Variants in PLD1 observed in about 807,000 individuals in gnomAD.
PLD1 encodes the protein choline phosphatase 1.
PLD1 carries 112 observed loss-of-function variants against 137.1 expected under a neutral mutation model. The observed-to-expected ratio is 0.82, with a 90% confidence interval of 0.70 to 0.96. The LOEUF (loss-of-function observed/expected upper bound fraction) is 0.96. Ranked by LOEUF, PLD1 falls within the 40% of genes least tolerant of loss-of-function variation. The probability of loss-of-function intolerance (pLI) is 0.00; values close to 1 mark genes in which losing one functional copy is unlikely to be tolerated. For missense variants in PLD1, 1,321 were observed against 1,342.0 expected (o/e 0.98, Z 0.24); for synonymous variants, 431 against 454.7 (o/e 0.95, Z 0.66).
In PLD1 at chr3:171,764,890, A is replaced by AG. The variant is rs1560288654; in HGVS notation, c.-31-26809dup. Reference sequence around the variant, plus strand: ...AAGAAAGAAAGAAAGAAAGAAAGAAAGAAAGGAAGGAAGGAAGGAAGGAAA... The same window carrying AG: ...AAGAAAGAAAGAAAGAAAGAAAGAAAGGAAAGGAAGGAAGGAAGGAAGGAAA... On this transcript the variant is annotated intron_variant, in intron 1 of 26. Transcript: ENST00000351298. Among the ~76,000 whole-genome samples, 169 of 27,052 alleles carry AG rather than the reference A, an allele frequency of 6.2e-3. 12 individuals carry two copies. The highest frequency in any genetic ancestry group is 0.023 in the Middle Eastern group (1 of 44). The allele number at this position is 27,052 out of a possible 152,430, so 17.7% of individuals were successfully genotyped here. A position where few individuals can be genotyped will look rare whatever the true frequency, so the allele number is the denominator to read the frequency against.
rs1719506767 is a variant in PLD1 at position 171,738,020 on chromosome 3, G to A, written c.32C>T (p.Thr11Ile). Residue 11 changes from threonine (T) to isoleucine (I), a missense_variant, in exon 2 of 27, where the codon ACC becomes ATC. Physicochemically the swap from Thr to Ile is moderately conservative, Grantham distance 89. Coordinates refer to ENST00000351298, the MANE Select transcript of PLD1 (RefSeq NM_002662.5). The stretch of plus-strand genomic sequence containing the variant: ...AGCAGCAATTTTCTGCAGTGCAGAG[G>A]TATTTACCCGTGGCTCGTTTTTCAG... Reference protein sequence around the residue: MSLKNEPRVNTSALQKIAADM... With the variant: MSLKNEPRVNISALQKIAADM... 1 of 1,613,340 alleles carries A rather than the reference G, an allele frequency of 6.2e-7. No individual in the cohort carries two copies. Among genetic ancestry groups the A allele is most frequent in the African/African-American group, 1.3e-5 (1 of 74,906 alleles).
intron 19 of PLD1, among the ~76,000 whole-genome samples, chr3:171,664,322 T>A (rs1399995659): frequency 6.6e-6 from 1 of 152,230 alleles, no homozygotes; most frequent in Non-Finnish European, 1.5e-5. Flanking sequence ...AATGTTTAAT[T>A]TTGTTACTAA....
At chr3:171,781,539 C>T (rs922355747) in intron 1 of PLD1, among the ~76,000 whole-genome samples, 4 of 152,062 alleles carry the variant, frequency 2.6e-5, no homozygotes, top group African/African-American at 4.8e-5. Context: ...TTTTATAATA[C>T]ATAATGAATG....
chr3:171,641,967 A>T (rs1735791620), intron 23 of PLD1, among the ~76,000 whole-genome samples: 2 of 152,198 alleles, frequency 1.3e-5, no homozygotes, highest in South Asian at 4.1e-4. Context: ...ACTAGAAGTC[A>T]TACAACTTGG....
intron 17 of PLD1, 82 bp downstream of exon 17, chr3:171,677,484 A>G: frequency 7.4e-7 from 1 of 1,342,676 alleles, no homozygotes; most frequent in Non-Finnish European, 1.0e-6. Context: ...AAAGGCATTT[A>G]GATCATGCAC....
chr3:171,649,568 T>C (rs962665520), intron 21 of PLD1, among the ~76,000 whole-genome samples: 1 of 152,160 alleles, frequency 6.6e-6, no homozygotes, highest in African/African-American at 2.4e-5. Flanking sequence ...GTTGTGGAAA[T>C]GATAGCATTC....
intron 1 of PLD1, among the ~76,000 whole-genome samples, chr3:171,774,081 C>T (rs1722506804): frequency 6.6e-6 from 1 of 152,106 alleles, no homozygotes; most frequent in Admixed American, 6.5e-5. Flanking sequence ...AAAACTGAGG[C>T]GTCCAAAGGC....
At chr3:171,605,546 C>T in intron 25 of PLD1, 130 bp from the exon 26 acceptor site, 1 of 651,222 alleles carries the variant, frequency 1.5e-6, no homozygotes. Context: ...CATGACCTAG[C>T]TACTCTCATA....
intron 21 of PLD1, among the ~76,000 whole-genome samples, chr3:171,648,293 A>G (rs1736434989): frequency 6.6e-6 from 1 of 152,162 alleles, no homozygotes; most frequent in African/African-American, 2.4e-5. Context: ...GTTACTTTCA[A>G]ATGAGTAACA....
rs1491418123 is a variant in PLD1 at position 171,764,896 on chromosome 3, G to GAAAGAAAGA, written c.-31-26815_-31-26814insTCTTTCTTT. Among the ~76,000 whole-genome samples the GAAAGAAAGA allele has an allele frequency of 3.5e-4, 11 of 31,406 alleles. 2 individuals are homozygous for GAAAGAAAGA. Among genetic ancestry groups the GAAAGAAAGA allele is most frequent in the East Asian group, 2.7e-3 (5 of 1,852 alleles). The allele number at this position is 31,406 out of a possible 152,430, so 20.6% of individuals were successfully genotyped here. A position where few individuals can be genotyped will look rare whatever the true frequency, so the allele number is the denominator to read the frequency against. On this transcript the variant is annotated intron_variant, in intron 1 of 26. Coordinates refer to ENST00000351298, the MANE Select transcript of PLD1 (RefSeq NM_002662.5). ...GAAAGAAAGAAAGAAAGAAAGAAAGGAAGGAAGGAAGGAAGGAAAGAAAGA... is the reference window on the plus strand; with the variant it reads ...GAAAGAAAGAAAGAAAGAAAGAAAGGAAAGAAAGAAAGGAAGGAAGGAAGGAAAGAAAGA...
At chr3:171,716,952 T>C (rs182728863) in intron 8 of PLD1, among the ~76,000 whole-genome samples, 7 of 152,384 alleles carry the variant, frequency 4.6e-5, no homozygotes, top group Non-Finnish European at 7.3e-5. Context: ...GCATCATTTA[T>C]TAAGGAGGAA....
At chr3:171,755,182 T>C (rs1578418439) in intron 1 of PLD1, among the ~76,000 whole-genome samples, 2 of 152,034 alleles carry the variant, frequency 1.3e-5, no homozygotes, top group African/African-American at 2.4e-5. Context: ...CATAGACTGG[T>C]ATTTATGGGG....
intron 25 of PLD1, 65 bp from the exon 26 acceptor site, chr3:171,605,481 C>T (rs1732134124): frequency 2.3e-6 from 2 of 855,830 alleles, no homozygotes; most frequent in Admixed American, 3.5e-5. Context: ...GGATATATGT[C>T]TATTATATCT....
Position 171,620,391 on chromosome 3 carries a change from A to G in PLD1, c.2723T>C (p.Ile908Thr). The G allele has an allele frequency of 6.3e-7, 1 of 1,592,478 alleles. No homozygotes were observed. Among genetic ancestry groups the G allele is most frequent in the Non-Finnish European group, 8.6e-7 (1 of 1,164,886 alleles). Residue 908 changes from isoleucine to threonine, a missense_variant, in exon 24 of 27, where the codon ATT becomes ACT. By Grantham distance (89) the Ile-to-Thr change is moderately conservative. Transcript: ENST00000351298. ...AGACCATATACTGTACTTACCAATA[A>G]TAACAGTGTTATCATCAGCAATTAA... ...KLLIADDNTV[I>T]IGSANINDRS...
intron 1 of PLD1, among the ~76,000 whole-genome samples, chr3:171,797,241 G>A (rs79621067): frequency 0.028 from 4,235 of 152,148 alleles, 120 homozygotes; most frequent in African/African-American, 0.072. Flanking sequence ...TGGCTTCTCC[G>A]ATCTGTAGTT....
At chr3:171,605,246 T>C (rs554513794) in intron 26 of PLD1, 53 bp downstream of exon 26, 15 of 1,005,012 alleles carry the variant, frequency 1.5e-5, no homozygotes, top group East Asian at 4.7e-5. Context: ...AATATGCTTT[T>C]TGTGATGAGA....
intron 1 of PLD1, among the ~76,000 whole-genome samples, chr3:171,808,353 G>A (rs951941859): frequency 6.6e-6 from 1 of 152,044 alleles, no homozygotes; most frequent in Admixed American, 6.6e-5. Context: ...TGGCTAACAC[G>A]GTGAAACCCC....
intron 23 of PLD1, among the ~76,000 whole-genome samples, chr3:171,635,835 G>GGCATA (rs1735053235): frequency 6.6e-6 from 1 of 151,914 alleles, no homozygotes; most frequent in Non-Finnish European, 1.5e-5. Flanking sequence ...TAAAATCCAA[G>GGCATA]AAGCCATTGT....
chr3:171,609,559 A>G (rs1057204044), intron 25 of PLD1, among the ~76,000 whole-genome samples: 5 of 150,642 alleles, frequency 3.3e-5, no homozygotes, highest in Non-Finnish European at 5.9e-5. Flanking sequence ...CACACACCAG[A>G]GAAAACTACT....
Sources: gnomAD v4.1 joint callset for allele counts (sites outside exome capture counted in the v4.1 genomes callset) on GRCh38, gnomAD v4.1.1 for gene constraint, MANE v1.5 for transcripts, NCBI Gene and HGNC (gene_info 2026-07-23, HGNC 2026-07-21) for gene names.